Variants in CLIP4 observed in about 807,000 individuals in gnomAD.
CLIP4 encodes the protein CAP-Gly domain containing linker protein family member 4, also known as CAP-Gly domain-containing linker protein 4.
In CLIP4, 47 loss-of-function variants were observed where a neutral mutation model predicts 73.1. That is an observed-to-expected ratio of 0.64 (90% CI 0.51 to 0.82). CLIP4 has a LOEUF of 0.82. Among genes scored for constraint, CLIP4 ranks in the 40% least tolerant of loss-of-function variants. The pLI, the probability that CLIP4 is intolerant of heterozygous loss-of-function variation, is 0.00. For missense variants in CLIP4, 874 were observed against 852.9 expected (o/e 1.02, Z -0.31); for synonymous variants, 306 against 295.4 (o/e 1.04, Z -0.37).
At chr2:29,102,591 C>G (rs1668081180) in intron 1 of CLIP4, among the ~76,000 whole-genome samples, 1 of 152,008 alleles carries the variant, frequency 6.6e-6, no homozygotes, top group Non-Finnish European at 1.5e-5. Flanking sequence ...CAAGGTGTCT[C>G]ATCCCTTCTC....
chr2:29,143,995 C>A, intron 7 of CLIP4, 50 bp downstream of exon 7: 11 of 1,476,344 alleles, frequency 7.5e-6, no homozygotes, highest in Non-Finnish European at 1.0e-5. Context: ...ATGTCCATGA[C>A]CTATGTTCAA....
At position 29,177,903 on chromosome 2, in the gene CLIP4, C is replaced by A. The variant is rs1256696381; in HGVS notation, c.1796+3458C>A. On this transcript the variant is annotated intron_variant, in intron 15 of 15. Coordinates refer to ENST00000320081, the MANE Select transcript of CLIP4 (RefSeq NM_024692.6). ...TACCATAATTCTAAGTGTCTCAATT[C>A]TCTGGCTTTTGAGCTTTGACATACC... 3.3e-5 allele frequency among the ~76,000 whole-genome samples: 5 copies of A among 152,172 alleles called. No homozygotes were observed. The East Asian group carries it at 9.6e-4, about 29-fold the overall frequency.
intron 13 of CLIP4, among the ~76,000 whole-genome samples, chr2:29,165,978 A>C (rs369099201): frequency 0.21 from 31,266 of 150,480 alleles, 3,697 homozygotes; most frequent in Non-Finnish European, 0.27. Flanking sequence ...TCTTCTTCAA[A>C]AAAAAAAAAA....
At chr2:29,172,009 G>GTTTTTTTTTTTTTTTTTT (rs34861574) in intron 14 of CLIP4, among the ~76,000 whole-genome samples, 1 of 120,362 alleles carries the variant, frequency 8.3e-6, no homozygotes. Context: ...CCCACCCTCT[G>GTTTTTTTTTTTTTTTTTT]TTTTTTTTTT....
intron 11 of CLIP4, among the ~76,000 whole-genome samples, chr2:29,160,113 C>T (rs1417302171): frequency 1.3e-5 from 2 of 151,516 alleles, no homozygotes; most frequent in African/African-American, 4.8e-5. Context: ...TCCCAGGAAA[C>T]TCTTCACATT....
chr2:29,147,025 A>G (rs1225193863), intron 8 of CLIP4, among the ~76,000 whole-genome samples: 2 of 152,196 alleles, frequency 1.3e-5, no homozygotes, highest in Non-Finnish European at 2.9e-5. Flanking sequence ...CTGATTGTAT[A>G]AGATTTGAAA....
At position 29,135,541 on chromosome 2, in the gene CLIP4, A is replaced by C. The variant is rs1665290911; in HGVS notation, c.530-7A>C. ...TTAGTTAATATACTTATGATGTTTA[A>C]TTGCAGATGTGGATGCCACTTGCAG... On this transcript the variant is annotated splice_region_variant and splice_polypyrimidine_tract_variant and intron_variant, in intron 5 of 15. Coordinates refer to ENST00000320081, the MANE Select transcript of CLIP4 (RefSeq NM_024692.6). 1 of 1,590,096 alleles carries C rather than the reference A, an allele frequency of 6.3e-7. No individual in the cohort carries two copies. Among genetic ancestry groups the C allele is most frequent in the African/African-American group, 1.3e-5 (1 of 74,082 alleles).
At chr2:29,123,748 T>C (rs1207043343) in intron 2 of CLIP4, among the ~76,000 whole-genome samples, 3 of 152,156 alleles carry the variant, frequency 2.0e-5, no homozygotes, top group Non-Finnish European at 4.4e-5. Context: ...TGCGGGGTCA[T>C]GTAGGCCCCC....
chr2:29,176,542 A>C (rs1036809114), intron 15 of CLIP4, among the ~76,000 whole-genome samples: 11 of 152,314 alleles, frequency 7.2e-5, no homozygotes, highest in East Asian at 3.9e-4. Flanking sequence ...AATGGTAGTG[A>C]GGAATGCGTT....
chr2:29,176,967 AAC>A (rs779985541), intron 15 of CLIP4, among the ~76,000 whole-genome samples: 2 of 152,172 alleles, frequency 1.3e-5, no homozygotes, highest in Non-Finnish European at 2.9e-5. Flanking sequence ...CGAATTCTCA[AAC>A]ACAGAATGAA....
chr2:29,104,361 C>T (rs1572850894), intron 1 of CLIP4, among the ~76,000 whole-genome samples: 1 of 152,266 alleles, frequency 6.6e-6, no homozygotes, highest in African/African-American at 2.4e-5. Flanking sequence ...CAGCAACCTC[C>T]ACCTCCTGGG....
intron 1 of CLIP4, among the ~76,000 whole-genome samples, chr2:29,116,112 C>G (rs1663806126): frequency 6.6e-6 from 1 of 152,226 alleles, no homozygotes; most frequent in African/African-American, 2.4e-5. Context: ...GCCAGTGGGT[C>G]TTCAAAGCTA....
At chr2:29,105,827 C>T (rs1385437756) in intron 1 of CLIP4, among the ~76,000 whole-genome samples, 2 of 152,212 alleles carry the variant, frequency 1.3e-5, no homozygotes, top group Non-Finnish European at 2.9e-5. Context: ...AGGCAGAGGG[C>T]CCCTGCCAGC....
chr2:29,164,074 G>A, intron 13 of CLIP4, 120 bp downstream of exon 13: 2 of 857,588 alleles, frequency 2.3e-6, no homozygotes, highest in Non-Finnish European at 3.5e-6. Context: ...TCTTTCAAGG[G>A]GTTAACCAAC....
intron 1 of CLIP4, among the ~76,000 whole-genome samples, chr2:29,109,739 A>T (rs1668335779): frequency 6.6e-6 from 1 of 152,122 alleles, no homozygotes; most frequent in African/African-American, 2.4e-5. Context: ...CTTCTCAGGA[A>T]CTAGGGCTAA....
At position 29,163,860 on chromosome 2, in the gene CLIP4, C is replaced by T. The variant is rs1667440089; in HGVS notation, c.1564C>T (p.Pro522Ser). 6.2e-7 allele frequency: 1 copy of T among 1,613,536 alleles called. No individual in the cohort carries two copies. Residue 522 changes from proline to serine, a missense_variant, in exon 13 of 16, where the codon CCC becomes TCC. Physicochemically the swap from Pro to Ser is moderately conservative, Grantham distance 74. Transcript: ENST00000320081. ...GYWYGIELEK[P>S]HGKNDGSVGG... ...TTGGTATGGTATAGAGCTTGAAAAA[C>T]CCCATGGCAAGAATGATGGTTCAGT...
rs1666984389 is a variant in CLIP4, at chr2:29,157,241, A to C, written c.1293A>C (p.Thr431=). 1 of 1,614,034 alleles carries C rather than the reference A, an allele frequency of 6.2e-7. No homozygotes were observed. The highest frequency in any genetic ancestry group is 1.3e-5 in the African/African-American group (1 of 75,000). Residue 431 remains threonine, a synonymous_variant, in exon 11 of 16, where the codon ACA becomes ACC. Coordinates refer to ENST00000320081, the MANE Select transcript of CLIP4 (RefSeq NM_024692.6). ...GATCTGTCAGCAGCTGCTCCTCTAC[A>C]TCTTCTTTGGAACACAGACAGAGCT... ...LLGSVSSCSS[T]SSLEHRQSYP... is the part of the protein sequence containing the mutation.
chr2:29,146,508 CCT>C (rs1227154488), intron 8 of CLIP4, among the ~76,000 whole-genome samples: 5 of 152,150 alleles, frequency 3.3e-5, no homozygotes, highest in African/African-American at 1.2e-4. Context: ...ATTTATTCTT[CCT>C]CTCTCTCACA....
intron 1 of CLIP4, among the ~76,000 whole-genome samples, chr2:29,104,749 C>T (rs1009780977): frequency 5.9e-5 from 9 of 152,170 alleles, no homozygotes; most frequent in East Asian, 1.9e-4. Context: ...AGATGCCAGG[C>T]GATTGCTATC....
Sources: allele counts gnomAD v4.1 joint callset (sites outside exome capture counted in the v4.1 genomes callset), GRCh38; gene constraint gnomAD v4.1.1; transcripts MANE v1.5; gene names NCBI Gene and HGNC (gene_info 2026-07-23, HGNC 2026-07-21).